DIP2B: variants seen among roughly 807,000 people sequenced by gnomAD.
The protein encoded by DIP2B is DIP2 acetate--CoA ligase B (putative), also known as disco-interacting protein 2 homolog B.
DIP2B carries 76 observed loss-of-function variants against 198.0 expected under a neutral mutation model. The observed-to-expected ratio is 0.38, with a 90% confidence interval of 0.32 to 0.46. The LOEUF (loss-of-function observed/expected upper bound fraction) is 0.46, where lower values mean the gene tolerates loss of function less well. Among genes scored for constraint, DIP2B ranks in the 20% least tolerant of loss-of-function variants. The pLI is 0.99. For missense variants in DIP2B, 1,559 were observed against 1,978.4 expected, an observed-to-expected ratio of 0.79 and a Z score of 4.02; for synonymous variants, 701 against 739.1, an observed-to-expected ratio of 0.95 and a Z score of 0.84.
intron 1 of DIP2B, among the ~76,000 whole-genome samples, chr12:50,598,183 C>T (rs2139437573): frequency 6.6e-6 from 1 of 152,188 alleles, no homozygotes; most frequent in Non-Finnish European, 1.5e-5. Flanking sequence ...AAGGAGAGAC[C>T]AGGAATCCTG....
At chr12:50,624,355 CAG>C (rs1225846157) in intron 1 of DIP2B, among the ~76,000 whole-genome samples, 1 of 152,126 alleles carries the variant, frequency 6.6e-6, no homozygotes, top group African/African-American at 2.4e-5. Context: ...TTTCCTGAGA[CAG>C]AGTCTTGCTC....
intron 1 of DIP2B, among the ~76,000 whole-genome samples, chr12:50,604,228 G>T (rs1958962972): frequency 6.9e-6 from 1 of 144,870 alleles, no homozygotes; most frequent in Non-Finnish European, 1.5e-5. Flanking sequence ...AAATATGATT[G>T]ATTATATACA....
chr12:50,529,972 T>C (rs1958201512), intron 1 of DIP2B, among the ~76,000 whole-genome samples: 1 of 152,250 alleles, frequency 6.6e-6, no homozygotes. Flanking sequence ...AAAGCATGAA[T>C]TGAAAATTAA....
intron 1 of DIP2B, among the ~76,000 whole-genome samples, chr12:50,580,152 G>A (rs1047825017): frequency 4.7e-5 from 7 of 148,998 alleles, no homozygotes; most frequent in Non-Finnish European, 1.0e-4. Flanking sequence ...TGTGAGTCAA[G>A]TACTTTCCTT....
chr12:50,519,892 C>G (rs1958100323), intron 1 of DIP2B, among the ~76,000 whole-genome samples: 1 of 151,148 alleles, frequency 6.6e-6, no homozygotes, highest in Admixed American at 6.6e-5. Flanking sequence ...ATTAAAGCAT[C>G]TGCAAGATTT....
At chr12:50,559,102 T>A (rs986821561) in intron 1 of DIP2B, among the ~76,000 whole-genome samples, 8 of 152,180 alleles carry the variant, frequency 5.3e-5, no homozygotes, top group Admixed American at 5.2e-4. Context: ...CCCAGTAGCA[T>A]GTACCAAGGT....
chr12:50,723,177 C>T (rs922502958), intron 26 of DIP2B, 25 bp from the exon 27 acceptor site: 2 of 1,613,446 alleles, frequency 1.2e-6, no homozygotes, highest in African/African-American at 1.3e-5. Context: ...CAGTGACTCT[C>T]CTGACAGGGT....
intron 3 of DIP2B, 140 bp from the exon 4 acceptor site, chr12:50,660,054 A>G (rs1378930193): frequency 1.1e-6 from 1 of 914,612 alleles, no homozygotes. Flanking sequence ...GTCTTAATCA[A>G]ATTATAAATA....
At chr12:50,724,472 C>G (rs1376901299) in intron 27 of DIP2B, among the ~76,000 whole-genome samples, 1 of 152,146 alleles carries the variant, frequency 6.6e-6, no homozygotes, top group East Asian at 1.9e-4. Context: ...TAATTGTGGT[C>G]TTCATGAAAT....
chr12:50,715,822 T>G (rs1939704025), intron 23 of DIP2B, among the ~76,000 whole-genome samples: 1 of 152,322 alleles, frequency 6.6e-6, no homozygotes, highest in South Asian at 2.1e-4. Flanking sequence ...AGCTAAAAAC[T>G]GGGGGTTCTG....
chr12:50,507,572 G>A (rs1242947938), intron 1 of DIP2B, among the ~76,000 whole-genome samples: 1 of 152,020 alleles, frequency 6.6e-6, no homozygotes, highest in South Asian at 2.1e-4. Flanking sequence ...TTTTTTTTGA[G>A]ATGGAGTCTC....
At chr12:50,588,802 A>G (rs1565835028) in intron 1 of DIP2B, among the ~76,000 whole-genome samples, 2 of 152,196 alleles carry the variant, frequency 1.3e-5, no homozygotes. Flanking sequence ...AGTGACATGT[A>G]AGAGAAAAAT....
intron 1 of DIP2B, among the ~76,000 whole-genome samples, chr12:50,546,366 CA>C (rs1958377924): frequency 6.6e-6 from 1 of 152,126 alleles, no homozygotes. Context: ...ATTTTAGGTT[CA>C]GGGGGTACAT....
At chr12:50,628,748 A>G (rs868016824) in intron 2 of DIP2B, among the ~76,000 whole-genome samples, 12 of 152,004 alleles carry the variant, frequency 7.9e-5, no homozygotes, top group African/African-American at 2.9e-4. Flanking sequence ...CTTAAACACT[A>G]TTTTCTCAAA....
In DIP2B at chr12:50,744,679, A is replaced by T. The variant is rs950821596; in HGVS notation, c.4571A>T (p.Asn1524Ile). The T allele has an allele frequency of 6.2e-7, 1 of 1,614,100 alleles. No homozygotes were observed. Among genetic ancestry groups the T allele is most frequent in the Non-Finnish European group, 8.5e-7 (1 of 1,180,056 alleles). The change falls in exon 38 of 38, where the codon AAC becomes ATC. Residue 1524 changes from asparagine to isoleucine, a missense_variant. Asn to Ile is a moderately radical substitution (Grantham distance 149). Transcript: ENST00000301180. ...EALDLVPLVTNVVLEEHYLIV... is the reference protein window; with the variant it reads ...EALDLVPLVTIVVLEEHYLIV... ...CTAGATCTGGTCCCATTAGTGACCA[A>T]CGTGGTCCTGGAAGAGCATTACCTC... is the stretch of plus-strand genomic sequence containing the variant.
chr12:50,653,324 CTTTCTTTTTTTTTTTTCT>C (rs1463831442), intron 3 of DIP2B, among the ~76,000 whole-genome samples: 16 of 59,538 alleles, frequency 2.7e-4, no homozygotes, highest in East Asian at 9.3e-4. Flanking sequence ...AGTAGTCTTT[CTTTCTTTTTTTTTTTTCT>C]TTTCTTTTTT....
intron 1 of DIP2B, among the ~76,000 whole-genome samples, chr12:50,572,606 C>T (rs1039188811): frequency 6.6e-6 from 1 of 152,188 alleles, no homozygotes; most frequent in African/African-American, 2.4e-5. Context: ...CAGGTTACTA[C>T]ATTGACTGTT....
In DIP2B at chr12:50,702,253, G is replaced by T. The variant is rs1939431084; in HGVS notation, c.2326-1887G>T. 2.6e-5 allele frequency among the ~76,000 whole-genome samples: 4 copies of T among 152,312 alleles called. No individual in the cohort carries two copies. The South Asian group carries it at 8.3e-4, about 32-fold the overall frequency. ...CCCAGCTACTCGGGAGGCTGACACA[G>T]GAGAACGGCTTGAACCCGGGAGGTG... On this transcript the variant is annotated intron_variant, in intron 19 of 37. Transcript: ENST00000301180.
chr12:50,662,463 G>C (rs905240692), intron 4 of DIP2B, among the ~76,000 whole-genome samples: 13 of 152,312 alleles, frequency 8.5e-5, no homozygotes, highest in Admixed American at 4.6e-4. Flanking sequence ...GGAAATTTGG[G>C]AAGAACTCTT....
Sources: gnomAD v4.1 joint callset for allele counts (sites outside exome capture counted in the v4.1 genomes callset) on GRCh38, gnomAD v4.1.1 for gene constraint, MANE v1.5 for transcripts, NCBI Gene and HGNC (gene_info 2026-07-23, HGNC 2026-07-21) for gene names.